Variants in CADM2 observed in about 807,000 individuals in gnomAD.
CADM2 encodes the protein cell adhesion molecule 2.
A neutral mutation model predicts 49.8 loss-of-function variants in CADM2; 12 were observed. That is an observed-to-expected ratio of 0.24 (90% confidence interval 0.15 to 0.39). The LOEUF (loss-of-function observed/expected upper bound fraction) is 0.39. Ranked by LOEUF, CADM2 falls within the 10% of genes least tolerant of loss-of-function variation. The pLI is 1.00. For missense variants in CADM2, 378 were observed against 492.3 expected (o/e 0.77, Z 2.20); for synonymous variants, 214 against 175.4 (o/e 1.22, Z -1.74).
At chr3:85,286,314 A>G (rs2043631550) in intron 1 of CADM2, among the ~76,000 whole-genome samples, 2 of 152,146 alleles carry the variant, frequency 1.3e-5, no homozygotes, top group South Asian at 4.1e-4. Flanking sequence ...TTAATTCAAC[A>G]TTCGTAAGAG....
intron 1 of CADM2, among the ~76,000 whole-genome samples, chr3:85,424,382 G>A (rs1007482790): frequency 2.6e-5 from 4 of 151,534 alleles, no homozygotes; most frequent in African/African-American, 9.7e-5. Context: ...TAATTACAAA[G>A]AAATATAAAC....
chr3:85,909,701 A>G (rs1242635089), intron 5 of CADM2, among the ~76,000 whole-genome samples: 1 of 152,200 alleles, frequency 6.6e-6, no homozygotes, highest in Non-Finnish European at 1.5e-5. Context: ...ACCATGTAAT[A>G]TAACTGACAT....
chr3:85,996,306 T>G (rs1729411415), intron 8 of CADM2, among the ~76,000 whole-genome samples: 1 of 142,876 alleles, frequency 7.0e-6, no homozygotes. Flanking sequence ...TTTTTTTTTT[T>G]TTTTTTGGTC....
chr3:85,105,171 GGAGAAA>G (rs1411932318), intron 1 of CADM2, among the ~76,000 whole-genome samples: 2 of 152,010 alleles, frequency 1.3e-5, no homozygotes, highest in African/African-American at 4.8e-5. Flanking sequence ...CTACAAAATG[GGAGAAA>G]ATTTTTGCAA....
chr3:86,059,883 TA>T (rs948018929), intron 8 of CADM2, among the ~76,000 whole-genome samples: 2 of 151,784 alleles, frequency 1.3e-5, no homozygotes, highest in Non-Finnish European at 2.9e-5. Context: ...TATGGGGATT[TA>T]AAAAAAAGCA....
At chr3:85,913,439 GAA>G (rs1447477774) in intron 6 of CADM2, among the ~76,000 whole-genome samples, 2 of 152,152 alleles carry the variant, frequency 1.3e-5, no homozygotes, top group African/African-American at 4.8e-5. Flanking sequence ...CTTGAGCTTA[GAA>G]ATTGTGTGTG....
chr3:85,718,727 A>T (rs1036553283), intron 1 of CADM2, among the ~76,000 whole-genome samples: 1 of 151,880 alleles, frequency 6.6e-6, no homozygotes, highest in Non-Finnish European at 1.5e-5. Context: ...TGTATAATTC[A>T]GTATTTATAA....
At chr3:85,634,703 A>G (rs752029491) in intron 1 of CADM2, among the ~76,000 whole-genome samples, 4 of 152,086 alleles carry the variant, frequency 2.6e-5, no homozygotes, top group Non-Finnish European at 5.9e-5. Context: ...GTGTGCATGT[A>G]TATTATCAAT....
chr3:85,708,641 G>A (rs554665489), intron 1 of CADM2, among the ~76,000 whole-genome samples: 1 of 152,150 alleles, frequency 6.6e-6, no homozygotes, highest in South Asian at 2.1e-4. Flanking sequence ...TTTTTAAAAA[G>A]TTAAACAAAG....
chr3:85,389,472 ATTATG>A (rs895726212), intron 1 of CADM2, among the ~76,000 whole-genome samples: 5 of 152,062 alleles, frequency 3.3e-5, no homozygotes, highest in Non-Finnish European at 5.9e-5. Context: ...TAGCTAATTT[ATTATG>A]TTATTTTTCT....
intron 8 of CADM2, among the ~76,000 whole-genome samples, chr3:85,996,471 T>C (rs984546349): frequency 6.6e-6 from 1 of 151,972 alleles, no homozygotes; most frequent in Non-Finnish European, 1.5e-5. Flanking sequence ...AAATTGGAAC[T>C]AAAATTCACA....
intron 1 of CADM2, among the ~76,000 whole-genome samples, chr3:85,052,677 A>G (rs1323493954): frequency 6.6e-6 from 1 of 152,106 alleles, no homozygotes; most frequent in Non-Finnish European, 1.5e-5. Flanking sequence ...CTTGGAGTAA[A>G]CAAAAATGTG....
chr3:85,821,304 G>A (rs1229887214), intron 3 of CADM2, among the ~76,000 whole-genome samples: 1 of 152,070 alleles, frequency 6.6e-6, no homozygotes, highest in Non-Finnish European at 1.5e-5. Flanking sequence ...ATCTTACTAG[G>A]GGAATGGCAT....
chr3:85,321,117 T>TATATATATATATATATATATA (rs1559778035), intron 1 of CADM2, among the ~76,000 whole-genome samples: 1 of 4,718 alleles, frequency 2.1e-4, no homozygotes, highest in African/African-American at 1.1e-3. Flanking sequence ...TATATATATA[T>TATATATATATATATATATATA]TTTTTTTTTT....
chr3:85,530,642 A>C (rs369449727), intron 1 of CADM2, among the ~76,000 whole-genome samples: 1 of 151,964 alleles, frequency 6.6e-6, no homozygotes. Context: ...TTTTCTATAT[A>C]AATTACCCAG....
intron 1 of CADM2, among the ~76,000 whole-genome samples, chr3:85,194,583 G>A (rs1313626056): frequency 6.6e-6 from 1 of 151,976 alleles, no homozygotes; most frequent in Non-Finnish European, 1.5e-5. Flanking sequence ...AAGGAAAGAC[G>A]TGAATAAAGA....
At chr3:85,226,107 A>G (rs1313409679) in intron 1 of CADM2, among the ~76,000 whole-genome samples, 1 of 152,056 alleles carries the variant, frequency 6.6e-6, no homozygotes, top group East Asian at 1.9e-4. Context: ...GCCAAGTTTT[A>G]GTATCAGGAT....
intron 3 of CADM2, among the ~76,000 whole-genome samples, chr3:85,802,956 A>G (rs558448172): frequency 5.9e-5 from 9 of 151,980 alleles, no homozygotes; most frequent in Non-Finnish European, 1.3e-4. Flanking sequence ...ATAACTATTT[A>G]TATATTAGCT....
chr3:85,925,037 T>G (rs1319549057), intron 6 of CADM2, among the ~76,000 whole-genome samples: 1 of 152,200 alleles, frequency 6.6e-6, no homozygotes, highest in African/African-American at 2.4e-5. Flanking sequence ...CTTAAATCCC[T>G]TCTTTTCTTT....
Sources: gnomAD v4.1 joint callset for allele counts (sites outside exome capture counted in the v4.1 genomes callset) on GRCh38, gnomAD v4.1.1 for gene constraint, MANE v1.5 for transcripts, NCBI Gene and HGNC (gene_info 2026-07-23, HGNC 2026-07-21) for gene names.